Variants in RANBP17 observed in about 807,000 individuals in gnomAD.
RANBP17 encodes RAN binding protein 17, also known as ran-binding protein 17.
Under a neutral mutation model 141.2 loss-of-function variants are expected in RANBP17, and 158 were observed. The ratio of observed to expected loss-of-function variants is 1.12; its 90% CI spans 0.98 to 1.28. The LOEUF (loss-of-function observed/expected upper bound fraction) is 1.28, where lower values mean the gene tolerates loss of function less well. RANBP17 is among the 50% of genes most tolerant of loss of function. RANBP17 has a pLI of 0.00. For synonymous variants in RANBP17, 430 were observed against 450.0 expected (o/e 0.96, Z 0.56); for missense variants, 1,438 against 1,290.7 (o/e 1.11, Z -1.75).
At chr5:171,012,072 A>G (rs1388181224) in intron 14 of RANBP17, among the ~76,000 whole-genome samples, 4 of 90,946 alleles carry the variant, frequency 4.4e-5, no homozygotes, top group Admixed American at 1.2e-4. Context: ...TTAAACGAAT[A>G]TATTGTTTGT....
At chr5:171,039,574 C>CT (rs1452962943) in intron 14 of RANBP17, among the ~76,000 whole-genome samples, 1 of 151,850 alleles carries the variant, frequency 6.6e-6, no homozygotes, top group Non-Finnish European at 1.5e-5. Flanking sequence ...TGTAGAAACT[C>CT]TTTAATTAGT....
chr5:171,118,350 T>C (rs1337148524), intron 14 of RANBP17, among the ~76,000 whole-genome samples: 1 of 152,174 alleles, frequency 6.6e-6, no homozygotes, highest in Non-Finnish European at 1.5e-5. Context: ...GCTTTATTCT[T>C]TTTACTCGAT....
intron 14 of RANBP17, among the ~76,000 whole-genome samples, chr5:171,059,390 A>C (rs1783648302): frequency 1.3e-5 from 2 of 152,230 alleles, no homozygotes; most frequent in South Asian, 4.1e-4. Flanking sequence ...ATGGCTAGCC[A>C]GTTTTCCCAG....
At chr5:171,276,602 G>C (rs1054353507) in intron 25 of RANBP17, among the ~76,000 whole-genome samples, 1 of 152,236 alleles carries the variant, frequency 6.6e-6, no homozygotes, top group South Asian at 2.1e-4. Flanking sequence ...ACTGTAATCT[G>C]TCATCTCTCT....
intron 14 of RANBP17, among the ~76,000 whole-genome samples, chr5:171,022,676 C>G (rs542164605): frequency 6.6e-6 from 1 of 152,204 alleles, no homozygotes; most frequent in Non-Finnish European, 1.5e-5. Context: ...TGGAGCTATA[C>G]AGAGGGATGC....
At chr5:170,880,277 T>C (rs749559381) in intron 2 of RANBP17, among the ~76,000 whole-genome samples, 1 of 152,208 alleles carries the variant, frequency 6.6e-6, no homozygotes, top group Non-Finnish European at 1.5e-5. Flanking sequence ...AAGAAACATC[T>C]GTCCACTCAT....
intron 24 of RANBP17, chr5:171,252,642 G>A: frequency 1.5e-6 from 2 of 1,369,548 alleles, no homozygotes; most frequent in Non-Finnish European, 2.1e-6. Flanking sequence ...TCTCTTACCA[G>A]GTAGTTTTTC....
intron 14 of RANBP17, among the ~76,000 whole-genome samples, chr5:171,146,576 A>G (rs1157935504): frequency 2.0e-5 from 3 of 152,186 alleles, no homozygotes; most frequent in East Asian, 3.9e-4. Flanking sequence ...AATGTGTTGT[A>G]TATTTTTCTG....
intron 7 of RANBP17, among the ~76,000 whole-genome samples, chr5:170,913,458 A>G (rs1398648233): frequency 6.6e-6 from 1 of 152,120 alleles, no homozygotes; most frequent in East Asian, 1.9e-4. Flanking sequence ...CAGATACACA[A>G]CTAAGCACAG....
intron 14 of RANBP17, among the ~76,000 whole-genome samples, chr5:171,007,071 G>C (rs1310260284): frequency 6.6e-6 from 1 of 152,138 alleles, no homozygotes; most frequent in African/African-American, 2.4e-5. Context: ...GATTGGGCTA[G>C]AGAAAAAAGT....
chr5:171,274,089 AAAAT>A (rs1406659102), intron 25 of RANBP17, among the ~76,000 whole-genome samples: 4 of 151,270 alleles, frequency 2.6e-5, no homozygotes, highest in African/African-American at 9.7e-5. Flanking sequence ...GTTTGAGATA[AAAAT>A]AAAGTTTAGT....
At position 171,108,754 on chromosome 5, in the gene RANBP17, CAAATA is replaced by C. The variant is rs367896758; in HGVS notation, c.1711-61370_1711-61366del. Among the ~76,000 whole-genome samples, 44 of 152,182 alleles carry C rather than the reference CAAATA, an allele frequency of 2.9e-4. No homozygotes were observed. The East Asian group carries it at 4.1e-3, about 14-fold the overall frequency. ...TTCTTTTTCTATACAGTATTTCACT[CAAATA>C]AAATAGTATCAGAAAAATGGCTGAC... On this transcript the variant is annotated intron_variant, in intron 14 of 27. Transcript: ENST00000523189.
intron 14 of RANBP17, among the ~76,000 whole-genome samples, chr5:171,079,100 A>G (rs985397757): frequency 6.6e-6 from 1 of 152,188 alleles, no homozygotes; most frequent in Non-Finnish European, 1.5e-5. Flanking sequence ...ATTAACATTA[A>G]TATATTGACT....
chr5:171,055,479 A>G (rs1399945470), intron 14 of RANBP17, among the ~76,000 whole-genome samples: 1 of 152,122 alleles, frequency 6.6e-6, no homozygotes, highest in Non-Finnish European at 1.5e-5. Flanking sequence ...TGGCCTGATT[A>G]TTTGTATAAA....
At chr5:170,955,451 A>G (rs952247517) in intron 13 of RANBP17, among the ~76,000 whole-genome samples, 44 of 83,820 alleles carry the variant, frequency 5.2e-4, no homozygotes, top group African/African-American at 1.5e-3. Context: ...GAAAGAGCTC[A>G]GTATATATAT....
At chr5:170,935,439 G>T (rs987276266) in intron 12 of RANBP17, among the ~76,000 whole-genome samples, 1 of 152,184 alleles carries the variant, frequency 6.6e-6, no homozygotes, top group East Asian at 1.9e-4. Flanking sequence ...CATCTTTGTG[G>T]TTTTATCTAC....
At position 170,892,756 on chromosome 5, in the gene RANBP17, T is replaced by C. The variant is rs1030421750; in HGVS notation, c.423+203T>C. On this transcript the variant is annotated intron_variant, in intron 4 of 27. Coordinates refer to ENST00000523189, the MANE Select transcript of RANBP17 (RefSeq NM_022897.5). ...TTACATAATTTCCAAATCAGAAGAA[T>C]GTAAATAATCATGTTTTCTAATTTC... Among the ~76,000 whole-genome samples the C allele has an allele frequency of 2.0e-4, 31 of 152,320 alleles. 1 individual carries two copies. The highest frequency in any genetic ancestry group is 6.8e-3 in the Middle Eastern group (2 of 294).
In RANBP17 at chr5:171,299,193, T is replaced by C. The variant is rs998320564; in HGVS notation, c.*335T>C. The stretch of plus-strand genomic sequence containing the variant: ...GTTTGCACCTAAGTGTGTACTAGTT[T>C]ATGGTTCTGCAGTCAAGGTTGTCAA... On this transcript the variant is annotated 3_prime_UTR_variant, in exon 28 of 28. Coordinates refer to ENST00000523189, the MANE Select transcript of RANBP17 (RefSeq NM_022897.5). 6.0e-5 allele frequency: 16 copies of C among 264,714 alleles called. No individual in the cohort carries two copies. The highest frequency in any genetic ancestry group is 1.2e-4 in the Non-Finnish European group (16 of 137,286). The allele number at this position is 264,714 out of a possible 1,614,324, so 16.4% of individuals were successfully genotyped here. A position where few individuals can be genotyped will look rare whatever the true frequency, so the allele number is the denominator to read the frequency against.
intron 14 of RANBP17, among the ~76,000 whole-genome samples, chr5:171,142,727 C>T (rs904498518): frequency 6.6e-6 from 1 of 152,104 alleles, no homozygotes. Context: ...AAAGGCCTAC[C>T]ATGTACCAGT....
Sources: gnomAD v4.1 joint callset for allele counts (sites outside exome capture counted in the v4.1 genomes callset) on GRCh38, gnomAD v4.1.1 for gene constraint, MANE v1.5 for transcripts, NCBI Gene and HGNC (gene_info 2026-07-23, HGNC 2026-07-21) for gene names.